FLI1: variants seen among roughly 807,000 people sequenced by gnomAD.
FLI1 encodes the protein Friend leukemia integration 1 transcription factor.
A neutral mutation model predicts 53.1 loss-of-function variants in FLI1; 13 were observed. The ratio of observed to expected loss-of-function variants is 0.24; its 90% CI spans 0.16 to 0.39. The LOEUF (loss-of-function observed/expected upper bound fraction) is 0.39. Among genes scored for constraint, FLI1 ranks in the 10% least tolerant of loss-of-function variants. FLI1 has a pLI of 1.00. For missense variants in FLI1, 424 were observed against 600.5 expected, an observed-to-expected ratio of 0.71 and a Z score of 3.07; for synonymous variants, 244 against 236.7, an observed-to-expected ratio of 1.03 and a Z score of -0.28.
chr11:128,783,882 T>C (rs80163742), intron 5 of FLI1, among the ~76,000 whole-genome samples: 112 of 151,932 alleles, frequency 7.4e-4, no homozygotes, highest in African/African-American at 2.7e-3. Flanking sequence ...ATCCACTTTT[T>C]GGAAGGAAGG....
At chr11:128,807,937 CCTCT>C (rs1450530848) in intron 7 of FLI1, among the ~76,000 whole-genome samples, 1 of 152,132 alleles carries the variant, frequency 6.6e-6, no homozygotes, top group African/African-American at 2.4e-5. Flanking sequence ...AGCCCCAGCT[CCTCT>C]CTCTATCTTC....
At chr11:128,734,424 A>G (rs962521283) in intron 1 of FLI1, among the ~76,000 whole-genome samples, 1 of 152,258 alleles carries the variant, frequency 6.6e-6, no homozygotes, top group Non-Finnish European at 1.5e-5. Flanking sequence ...GGTTTTGTGT[A>G]CAAATATTGT....
At chr11:128,733,156 A>G (rs534765050) in intron 1 of FLI1, among the ~76,000 whole-genome samples, 2 of 131,900 alleles carry the variant, frequency 1.5e-5, no homozygotes, top group South Asian at 5.2e-4. Context: ...GCGTTTTCCA[A>G]TCAAATTTGA....
At chr11:128,713,054 G>A (rs1312877809) in intron 1 of FLI1, among the ~76,000 whole-genome samples, 2 of 152,116 alleles carry the variant, frequency 1.3e-5, no homozygotes, top group Admixed American at 1.3e-4. Context: ...CATTGCGAAG[G>A]TCAATCCTGT....
intron 1 of FLI1, among the ~76,000 whole-genome samples, chr11:128,738,675 T>C (rs893707828): frequency 6.6e-6 from 1 of 152,252 alleles, no homozygotes; most frequent in African/African-American, 2.4e-5. Context: ...CTGTCCCACC[T>C]ACCTTAAAGA....
rs781654843 is a variant in FLI1 at position 128,768,374 on chromosome 11, T to C, written c.385+102T>C. ...ATCTGATACTCTATTCCCTGTGGAA[T>C]TGCAAAATGGAGAAAGCTGCACGCC... On this transcript the variant is annotated intron_variant, in intron 3 of 8. Transcript: ENST00000527786. 6 of 1,463,920 alleles carry C rather than the reference T, an allele frequency of 4.1e-6. No homozygotes were observed. The African/African-American group carries it at 5.6e-5, about 14-fold the overall frequency. 90.7% of individuals were successfully genotyped at this position (1,463,920 alleles called of 1,614,324 possible).
chr11:128,711,934 T>C (rs1477495599), intron 1 of FLI1, among the ~76,000 whole-genome samples: 1 of 152,214 alleles, frequency 6.6e-6, no homozygotes, highest in Non-Finnish European at 1.5e-5. Flanking sequence ...TAAAAAAATT[T>C]TATTTTAAAA....
chr11:128,781,896 T>C (rs1344676273), intron 4 of FLI1, 62 bp from the exon 5 acceptor site: 3 of 1,302,106 alleles, frequency 2.3e-6, no homozygotes, highest in South Asian at 1.2e-5. Context: ...CCTCATGTCA[T>C]CTCCTACTCT....
At chr11:128,702,245 T>C (rs1208229104) in intron 1 of FLI1, among the ~76,000 whole-genome samples, 1 of 152,270 alleles carries the variant, frequency 6.6e-6, no homozygotes, top group Non-Finnish European at 1.5e-5. Context: ...AGCATTCATG[T>C]AAATGAACAA....
chr11:128,775,918 G>T (rs935828793), intron 4 of FLI1, among the ~76,000 whole-genome samples: 13 of 152,296 alleles, frequency 8.5e-5, no homozygotes, highest in Admixed American at 5.9e-4. Flanking sequence ...CAGAATCGGG[G>T]ACCTGAGACT....
chr11:128,775,934 T>A (rs141880609), intron 4 of FLI1, among the ~76,000 whole-genome samples: 11 of 152,314 alleles, frequency 7.2e-5, no homozygotes, highest in African/African-American at 2.6e-4. Context: ...AGACTGTGGC[T>A]GGTTGGAAGT....
intron 1 of FLI1, among the ~76,000 whole-genome samples, chr11:128,699,566 A>G: frequency 6.6e-6 from 1 of 152,210 alleles, no homozygotes; most frequent in East Asian, 1.9e-4. Flanking sequence ...TCCTCTGCAG[A>G]AGACTACACC....
At chr11:128,740,789 C>T (rs959764402) in intron 1 of FLI1, among the ~76,000 whole-genome samples, 1 of 152,200 alleles carries the variant, frequency 6.6e-6, no homozygotes, top group African/African-American at 2.4e-5. Flanking sequence ...ACCCCTACAG[C>T]TCAGAGGCCA....
Position 128,769,596 on chromosome 11 carries a change from G to A in FLI1, c.385+1324G>A, listed in dbSNP as rs991170763. Among the ~76,000 whole-genome samples, 50 of 152,220 alleles carry A rather than the reference G, an allele frequency of 3.3e-4. 1 individual carries two copies. Among genetic ancestry groups the A allele is most frequent in the African/African-American group, 1.0e-3 (42 of 41,522 alleles). On this transcript the variant is annotated intron_variant, in intron 3 of 8. Transcript: ENST00000527786. ...CTCTGGGCCAAATTCAAGAAGGTGT[G>A]AGCAAGAGTGAGGCAGCAGACGGGT... is the stretch of plus-strand genomic sequence containing the variant.
At chr11:128,783,573 T>A (rs1377522038) in intron 5 of FLI1, among the ~76,000 whole-genome samples, 4 of 152,234 alleles carry the variant, frequency 2.6e-5, no homozygotes, top group Non-Finnish European at 5.9e-5. Flanking sequence ...ATTTCACTTT[T>A]TGACCTATTT....
At chr11:128,712,010 A>G (rs1367249524) in intron 1 of FLI1, among the ~76,000 whole-genome samples, 1 of 152,136 alleles carries the variant, frequency 6.6e-6, no homozygotes, top group Non-Finnish European at 1.5e-5. Context: ...CTAGGTTTGT[A>G]TTCAACACAG....
chr11:128,763,048 G>A (rs913768160), intron 2 of FLI1, among the ~76,000 whole-genome samples: 5 of 152,120 alleles, frequency 3.3e-5, no homozygotes, highest in Non-Finnish European at 5.9e-5. Context: ...ACTGTTCTGT[G>A]ATTCACAGTG....
chr11:128,743,421 A>G (rs1460938268), intron 1 of FLI1, among the ~76,000 whole-genome samples: 1 of 151,560 alleles, frequency 6.6e-6, no homozygotes, highest in African/African-American at 2.4e-5. Flanking sequence ...AAAAAAAAAA[A>G]AAAAAGAACT....
At chr11:128,741,318 G>A (rs545640103) in intron 1 of FLI1, among the ~76,000 whole-genome samples, 3 of 152,258 alleles carry the variant, frequency 2.0e-5, no homozygotes, top group Admixed American at 2.0e-4. Context: ...GCTTGAACCC[G>A]GGAGGCAGAG....
Sources: allele counts gnomAD v4.1 joint callset (sites outside exome capture counted in the v4.1 genomes callset), GRCh38; gene constraint gnomAD v4.1.1; transcripts MANE v1.5; gene names NCBI Gene and HGNC (gene_info 2026-07-23, HGNC 2026-07-21).